Variants in HMCN2 observed in about 807,000 individuals in gnomAD.
HMCN2 encodes the protein hemicentin-2.
A neutral mutation model predicts 377.5 loss-of-function variants in HMCN2; 325 were observed. The observed-to-expected ratio is 0.86, with a 90% CI of 0.79 to 0.94. HMCN2 has a LOEUF of 0.94. Among genes scored for constraint, HMCN2 ranks in the 40% least tolerant of loss-of-function variants. The pLI, the probability that HMCN2 is intolerant of heterozygous loss-of-function variation, is 0.00. For missense variants in HMCN2, 4,543 were observed against 4,725.3 expected (o/e 0.96, Z 1.13); for synonymous variants, 2,007 against 2,046.8 (o/e 0.98, Z 0.53).
Position 130,393,200 on chromosome 9 carries a change from C to A in HMCN2, c.10137-12C>A. On this transcript the variant is annotated splice_polypyrimidine_tract_variant and intron_variant, in intron 66 of 97. Coordinates refer to ENST00000683500, the MANE Select transcript of HMCN2 (RefSeq NM_001291815.2). The surrounding 1 kb of genome is among the most constrained non-coding windows in gnomAD (Gnocchi z 5.2). ...TCTTGTCTCCTTCTCCCTCTCCTCT[C>A]GGGGGATTCAGGATTTCCAAGGTGC... The A allele has an allele frequency of 3.0e-6, 3 of 987,892 alleles. No individual in the cohort carries two copies. Among genetic ancestry groups the A allele is most frequent in the Non-Finnish European group, 3.6e-6 (3 of 830,054 alleles). 61.2% of individuals were successfully genotyped at this position (987,892 alleles called of 1,614,324 possible). A position where few individuals can be genotyped will look rare whatever the true frequency, so the allele number is the denominator to read the frequency against.
At chr9:130,346,644 G>C (rs1027508362) in intron 25 of HMCN2, among the ~76,000 whole-genome samples, 1 of 152,128 alleles carries the variant, frequency 6.6e-6, no homozygotes, top group Admixed American at 6.5e-5. Flanking sequence ...GGCTTGGCTC[G>C]TTCATTGATT....
At chr9:130,362,494 T>C (rs1158686778) in intron 39 of HMCN2, among the ~76,000 whole-genome samples, 1 of 152,252 alleles carries the variant, frequency 6.6e-6, no homozygotes, top group Admixed American at 6.5e-5. Flanking sequence ...ATGGGATCAA[T>C]ACAAAATAAT....
intron 4 of HMCN2, among the ~76,000 whole-genome samples, chr9:130,291,887 T>A (rs1422001326): frequency 1.3e-5 from 2 of 152,242 alleles, no homozygotes; most frequent in Non-Finnish European, 2.9e-5. Context: ...TTGGTTGTTA[T>A]GTCTATTAAG....
Position 130,416,305 on chromosome 9 carries a change from A to G in HMCN2, c.12962-2467A>G, listed in dbSNP as rs1843695858. 2.0e-5 allele frequency among the ~76,000 whole-genome samples: 3 copies of G among 151,858 alleles called. No homozygotes were observed. In the South Asian group the frequency reaches 6.2e-4, roughly 32 times the overall value. On this transcript the variant is annotated intron_variant, in intron 85 of 97. Transcript: ENST00000683500. ...ATTTTAGTTGAGACAGGGTTTCACC[A>G]TGTTGGCCCGGCTGGTCTCAAACTC...
chr9:130,426,982 G>C (rs1420309455), intron 90 of HMCN2, among the ~76,000 whole-genome samples: 2 of 152,102 alleles, frequency 1.3e-5, no homozygotes, highest in East Asian at 1.9e-4. Context: ...CCCTCCGCAC[G>C]GTCTCTGTGC....
chr9:130,311,527 A>G (rs994731458), intron 15 of HMCN2, among the ~76,000 whole-genome samples: 2,578 of 152,258 alleles, frequency 0.017, 52 homozygotes, highest in African/African-American at 0.05. Flanking sequence ...GGCAGAGAGA[A>G]CAGAGGACAG....
chr9:130,383,044 G>A lies in HMCN2; in HGVS notation c.8733+178G>A, dbSNP rs930576030. 3.3e-5 allele frequency among the ~76,000 whole-genome samples: 5 copies of A among 152,306 alleles called. No homozygotes were observed. In the East Asian group the frequency reaches 7.7e-4, roughly 24 times the overall value. On this transcript the variant is annotated intron_variant, in intron 56 of 97. Coordinates refer to ENST00000683500, the MANE Select transcript of HMCN2 (RefSeq NM_001291815.2). ...GCTGGGCCAGCACAGGCCTGTGCAC[G>A]GCATCCAGAGCTTCAGGAGACACCT... is the stretch of plus-strand genomic sequence containing the variant.
At chr9:130,288,912 A>G (rs1394571889) in intron 4 of HMCN2, among the ~76,000 whole-genome samples, 1 of 152,204 alleles carries the variant, frequency 6.6e-6, no homozygotes, top group African/African-American at 2.4e-5. Flanking sequence ...ATCATGTCAG[A>G]GGCAGGCAAC....
intron 15 of HMCN2, among the ~76,000 whole-genome samples, chr9:130,317,499 CTCTCTCTT>C (rs1367245359): frequency 7.2e-6 from 1 of 139,702 alleles, no homozygotes; most frequent in African/African-American, 2.9e-5. Context: ...CTCTCTCTCT[CTCTCTCTT>C]TTTTGTAGAC....
chr9:130,392,950 C>T (rs1034231526), intron 66 of HMCN2, among the ~76,000 whole-genome samples: 6 of 151,582 alleles, frequency 4.0e-5, no homozygotes, highest in East Asian at 1.9e-4. Context: ...GAGCCGAGAT[C>T]GTGCCACTGC....
At position 130,334,559 on chromosome 9, in the gene HMCN2, T is replaced by TTTG. The variant is rs1838611745; in HGVS notation, c.3360-3333_3360-3332insGTT. Among the ~76,000 whole-genome samples, 5 of 150,792 alleles carry TTTG rather than the reference T, an allele frequency of 3.3e-5. No individual in the cohort carries two copies. The South Asian group carries it at 1.1e-3, about 32-fold the overall frequency. Reference sequence around the variant, plus strand: ...TTAACACTTTTGGAAGTTTTTTTTTTTTTTTTTTTTTCAGAAGCCCCATTT... The same window carrying TTTG: ...TTAACACTTTTGGAAGTTTTTTTTTTTTGTTTTTTTTTTTCAGAAGCCCCATTT... On this transcript the variant is annotated intron_variant, in intron 22 of 97. Coordinates refer to ENST00000683500, the MANE Select transcript of HMCN2 (RefSeq NM_001291815.2).
Position 130,295,714 on chromosome 9 carries a change from C to T in HMCN2, c.833C>T (p.Pro278Leu). The part of the protein sequence containing the change: ...DEGLNVLLNI[P>L]DSAKVVAFKP... Reference sequence around the variant, plus strand: ...GGCCTCAACGTGCTTCTCAACATCCCTGACTCGGCCAAGGTCGTAGCCTTT... The same window carrying T: ...GGCCTCAACGTGCTTCTCAACATCCTTGACTCGGCCAAGGTCGTAGCCTTT... Residue 278 changes from proline (P) to leucine (L), a missense_variant, in exon 6 of 98, where the codon CCT becomes CTT. Pro to Leu is a moderately conservative substitution (Grantham distance 98, BLOSUM62 -3). Coordinates refer to ENST00000683500, the MANE Select transcript of HMCN2 (RefSeq NM_001291815.2). 1 of 471,074 alleles carries T rather than the reference C, an allele frequency of 2.1e-6. No individual in the cohort carries two copies. The highest frequency in any genetic ancestry group is 1.5e-5 in the South Asian group (1 of 64,548). 29.2% of individuals were successfully genotyped at this position (471,074 alleles called of 1,614,324 possible).
chr9:130,396,386 T>C (rs1163983926), intron 73 of HMCN2, 73 bp downstream of exon 73: 2 of 1,181,356 alleles, frequency 1.7e-6, no homozygotes, highest in Non-Finnish European at 2.2e-6. Flanking sequence ...CAAACTCACT[T>C]GGGCAATTGG....
intron 80 of HMCN2, among the ~76,000 whole-genome samples, chr9:130,404,389 G>A (rs4740385): frequency 0.15 from 22,425 of 152,150 alleles, 2,290 homozygotes; most frequent in East Asian, 0.47. Flanking sequence ...GGATTCCTCC[G>A]CTTCTTGTCC....
rs1035923302 is a variant in HMCN2 at position 130,304,936 on chromosome 9, A to G, written c.1750A>G (p.Arg584Gly). 6.4e-6 allele frequency: 3 copies of G among 470,946 alleles called. No homozygotes were observed. The highest frequency in any genetic ancestry group is 1.3e-5 in the Non-Finnish European group (3 of 227,054). The allele number at this position is 470,946 out of a possible 1,614,324, so 29.2% of individuals were successfully genotyped here. A position where few individuals can be genotyped will look rare whatever the true frequency, so the allele number is the denominator to read the frequency against. The change falls in exon 11 of 98, where the codon AGG becomes GGG. Residue 584 changes from arginine (R) to glycine (G), a missense_variant. Physicochemically the swap from Arg to Gly is moderately radical, Grantham distance 125 (BLOSUM62 -2). This residue lies in a region of HMCN2 where 547 missense variants were observed against 189.9 expected (regional missense o/e 2.88). Transcript: ENST00000683500. This position sits in a 1 kb window ranked among gnomAD's most constrained non-coding sequence, Gnocchi z 4.3. ...TGGCATCATCCCCACAGACGGCGGG[A>G]GGTACCAGTGTGTGGCCAGCAATGC... ...ISGIIPTDGG[R>G]YQCVASNANG...
At chr9:130,433,238 G>T in intron 97 of HMCN2, 110 bp from the exon 98 acceptor site, 2 of 812,444 alleles carry the variant, frequency 2.5e-6, no homozygotes, top group Non-Finnish European at 1.8e-6. Flanking sequence ...AGGACGGGCA[G>T]CGCGTGGGCG....
At chr9:130,318,577 G>A (rs1837689421) in intron 15 of HMCN2, among the ~76,000 whole-genome samples, 1 of 152,172 alleles carries the variant, frequency 6.6e-6, no homozygotes, top group Non-Finnish European at 1.5e-5. Flanking sequence ...AAGAAACACT[G>A]CAAGCTATTA....
At position 130,429,679 on chromosome 9, in the gene HMCN2, T is replaced by G. The variant is rs762018717; in HGVS notation, c.14320T>G (p.Cys4774Gly). 2.0e-6 allele frequency: 3 copies of G among 1,520,066 alleles called. No individual in the cohort carries two copies. Among genetic ancestry groups the G allele is most frequent in the East Asian group, 5.0e-5 (2 of 39,704 alleles). 94.2% of individuals were successfully genotyped at this position (1,520,066 alleles called of 1,614,324 possible). A position where few individuals can be genotyped will look rare whatever the true frequency, so the allele number is the denominator to read the frequency against. ...CCGGATGCAGGGCCCCAGCCTGCCCTGCCTAGGTACGGGGACACCCACCCT... is the reference window on the plus strand; with the variant it reads ...CCGGATGCAGGGCCCCAGCCTGCCCGGCCTAGGTACGGGGACACCCACCCT... Reference protein sequence around the residue: ...GYRMQGPSLPCLDVNECLQLP... With the variant: ...GYRMQGPSLPGLDVNECLQLP... The change falls in exon 94 of 98, where the codon TGC becomes GGC. Residue 4774 changes from cysteine to glycine, a missense_variant. Coordinates refer to ENST00000683500, the MANE Select transcript of HMCN2 (RefSeq NM_001291815.2).
At position 130,384,743 on chromosome 9, in the gene HMCN2, C is replaced by T. The variant is rs749859958; in HGVS notation, c.9051C>T (p.Cys3017=). 7.4e-5 allele frequency: 97 copies of T among 1,302,886 alleles called. No homozygotes were observed. The highest frequency in any genetic ancestry group is 4.2e-4 in the Middle Eastern group (2 of 4,720). The allele number at this position is 1,302,886 out of a possible 1,614,324, so 80.7% of individuals were successfully genotyped here. The change falls in exon 59 of 98, where the codon TGC becomes TGT. Residue 3017 remains cysteine (C), a synonymous_variant. Coordinates refer to ENST00000683500, the MANE Select transcript of HMCN2 (RefSeq NM_001291815.2). ...ARLSDSGMYT[C]EALNAAGRDQ... ...TGTCGGACTCCGGGATGTACACATG[C>T]GAAGCCCTCAATGCTGCCGGCCGAG...
Sources: gnomAD v4.1 joint callset for allele counts (sites outside exome capture counted in the v4.1 genomes callset) on GRCh38, gnomAD v4.1.1 for gene constraint, gnomAD v4.1.1 regional missense constraint, Gnocchi (gnomAD v3.1) non-coding constraint, MANE v1.5 for transcripts, NCBI Gene and HGNC (gene_info 2026-07-23, HGNC 2026-07-21) for gene names.